TBC1D22A: variants seen among roughly 807,000 people sequenced by gnomAD.
TBC1D22A encodes putative GTPase activator.
Under a neutral mutation model 60.2 loss-of-function variants are expected in TBC1D22A, and 38 were observed. The ratio of observed to expected loss-of-function variants is 0.63; its 90% confidence interval spans 0.49 to 0.83. TBC1D22A has a LOEUF of 0.83. Among genes scored for constraint, TBC1D22A ranks in the 40% least tolerant of loss-of-function variants. The probability of loss-of-function intolerance (pLI) is 0.00; values close to 1 mark genes in which losing one functional copy is unlikely to be tolerated. For missense variants in TBC1D22A, 628 were observed against 701.0 expected (o/e 0.90, Z 1.18); for synonymous variants, 302 against 281.7 (o/e 1.07, Z -0.72).
chr22:46,963,185 C>G (rs1226780924), intron 8 of TBC1D22A, among the ~76,000 whole-genome samples: 2 of 149,516 alleles, frequency 1.3e-5, no homozygotes, highest in Non-Finnish European at 3.0e-5. Context: ...GGAGCGCCAC[C>G]GCACTATAGC....
At chr22:46,817,369 CCTGT>C (rs933156867) in intron 4 of TBC1D22A, among the ~76,000 whole-genome samples, 2 of 152,004 alleles carry the variant, frequency 1.3e-5, no homozygotes, top group Non-Finnish European at 2.9e-5. Flanking sequence ...CACCTATTGA[CCTGT>C]CACCTGTTGA....
rs3827413 is a variant in TBC1D22A, at chr22:46,997,339, A to G, written c.1126-295A>G. On this transcript the variant is annotated intron_variant, in intron 9 of 12. Transcript: ENST00000337137. ...TATGCCCATGGATGCCTGTTTTTCA[A>G]TTTAGATGTAAGTGTCTTACATTTA... is the stretch of plus-strand genomic sequence containing the variant. Among the ~76,000 whole-genome samples, 36,966 of 152,144 alleles carry G rather than the reference A, an allele frequency of 0.24. 4,798 individuals carry two copies. Among genetic ancestry groups the G allele is most frequent in the East Asian group, 0.29 (1,497 of 5,162 alleles).
intron 8 of TBC1D22A, among the ~76,000 whole-genome samples, chr22:46,932,332 T>C (rs909405856): frequency 6.6e-6 from 1 of 152,242 alleles, no homozygotes; most frequent in Non-Finnish European, 1.5e-5. Context: ...TCCACCAGCT[T>C]GTCACCTCAA....
intron 8 of TBC1D22A, chr22:46,915,595 CTCTTT>C: frequency 2.2e-6 from 1 of 456,698 alleles, no homozygotes; most frequent in Non-Finnish European, 4.4e-6. Flanking sequence ...TTGGATATTC[CTCTTT>C]TCTTTGAAGT....
In TBC1D22A at chr22:46,861,189, G is replaced by C. The variant is rs190277279; in HGVS notation, c.638-17464G>C. Among the ~76,000 whole-genome samples, 76 of 152,162 alleles carry C rather than the reference G, an allele frequency of 5.0e-4. 2 individuals carry two copies. In the East Asian group the frequency reaches 0.013, roughly 26 times the overall value. The stretch of plus-strand genomic sequence containing the variant: ...CCCAGGTTGGTCTCAAACTCCTGGG[G>C]TCAAGTGATCCACCGTGCCTCGGCT... On this transcript the variant is annotated intron_variant, in intron 4 of 12. Transcript: ENST00000337137.
intron 11 of TBC1D22A, among the ~76,000 whole-genome samples, chr22:47,039,765 G>A (rs1207160842): frequency 1.3e-5 from 2 of 150,006 alleles, no homozygotes; most frequent in Non-Finnish European, 3.0e-5. Flanking sequence ...AAGAAAAGAG[G>A]TTTAATTGGC....
At chr22:46,863,314 C>T (rs1047768863) in intron 4 of TBC1D22A, among the ~76,000 whole-genome samples, 4 of 152,108 alleles carry the variant, frequency 2.6e-5, no homozygotes, top group Non-Finnish European at 5.9e-5. Context: ...GGGCTTGCCT[C>T]GGAGGAAAGC....
chr22:46,904,787 T>G (rs1032681771), intron 7 of TBC1D22A, among the ~76,000 whole-genome samples: 3 of 149,728 alleles, frequency 2.0e-5, no homozygotes, highest in African/African-American at 7.4e-5. Context: ...TTTTTTTTTT[T>G]TTTCTGAGAC....
At chr22:46,965,910 C>T (rs1375449254) in intron 8 of TBC1D22A, among the ~76,000 whole-genome samples, 3 of 152,220 alleles carry the variant, frequency 2.0e-5, no homozygotes, top group Admixed American at 1.3e-4. Context: ...CCTGTGCCCA[C>T]CTCGTTTCCA....
chr22:47,101,979 T>G (rs2065434773), intron 11 of TBC1D22A, among the ~76,000 whole-genome samples: 1 of 152,114 alleles, frequency 6.6e-6, no homozygotes. Context: ...CCTCATCTAG[T>G]CTTTTTGGCT....
intron 5 of TBC1D22A, among the ~76,000 whole-genome samples, chr22:46,887,495 G>A (rs980481663): frequency 6.6e-6 from 1 of 152,188 alleles, no homozygotes; most frequent in Non-Finnish European, 1.5e-5. Flanking sequence ...GGAGCTTCAA[G>A]AATCTTTAAA....
chr22:46,929,230 G>C (rs986417040), intron 8 of TBC1D22A, among the ~76,000 whole-genome samples: 5 of 152,304 alleles, frequency 3.3e-5, no homozygotes, highest in Middle Eastern at 3.4e-3. Context: ...TAATGCATGT[G>C]GTGGCTCCAT....
At chr22:47,109,452 A>G (rs867812823) in intron 11 of TBC1D22A, among the ~76,000 whole-genome samples, 15 of 152,286 alleles carry the variant, frequency 9.8e-5, no homozygotes, top group Middle Eastern at 6.8e-3. Flanking sequence ...CACCCTCTTC[A>G]TGTTCTGTGG....
chr22:46,876,376 C>T (rs1350652390), intron 4 of TBC1D22A, among the ~76,000 whole-genome samples: 1 of 152,218 alleles, frequency 6.6e-6, no homozygotes, highest in Non-Finnish European at 1.5e-5. Flanking sequence ...ATACAAAGAC[C>T]TAGCAATGTC....
intron 12 of TBC1D22A, among the ~76,000 whole-genome samples, chr22:47,125,407 C>T (rs1489392585): frequency 6.6e-6 from 1 of 152,222 alleles, no homozygotes; most frequent in Non-Finnish European, 1.5e-5. Context: ...TGTTCCTAGT[C>T]CTCACACGGT....
intron 3 of TBC1D22A, 54 bp from the exon 4 acceptor site, chr22:46,797,390 C>T (rs560442308): frequency 1.7e-5 from 27 of 1,590,632 alleles, no homozygotes; most frequent in African/African-American, 8.1e-5. Context: ...CAAGGAGGAA[C>T]GTGTAGTCGG....
rs564514717 is a variant in TBC1D22A, at chr22:47,088,644, G to A, written c.1330-22864G>A. On this transcript the variant is annotated intron_variant, in intron 11 of 12. Transcript: ENST00000337137. ...TATTCCTTATGGAAGAACTGTGGCT[G>A]TAAATGGAGAGGCAGTGAAAGAATT... Among the ~76,000 whole-genome samples the A allele has an allele frequency of 4.6e-5, 7 of 152,244 alleles. No individual in the cohort carries two copies. The East Asian group carries it at 1.4e-3, about 29-fold the overall frequency.
intron 12 of TBC1D22A, among the ~76,000 whole-genome samples, chr22:47,151,224 T>G (rs2067488922): frequency 6.6e-6 from 1 of 152,176 alleles, no homozygotes; most frequent in Admixed American, 6.5e-5. Flanking sequence ...AAACGCTGCG[T>G]GGTGTGGGGT....
intron 12 of TBC1D22A, among the ~76,000 whole-genome samples, chr22:47,130,596 T>A (rs1393072028): frequency 6.6e-6 from 1 of 152,234 alleles, no homozygotes; most frequent in Admixed American, 6.5e-5. Context: ...CGCTGCCATG[T>A]GACTCTAGGC....
Sources: allele counts gnomAD v4.1 joint callset (sites outside exome capture counted in the v4.1 genomes callset), GRCh38; gene constraint gnomAD v4.1.1; transcripts MANE v1.5; gene names NCBI Gene and HGNC (gene_info 2026-07-23, HGNC 2026-07-21).